RIMS2: variants seen among roughly 807,000 people sequenced by gnomAD.
RIMS2 encodes the protein regulating synaptic membrane exocytosis protein 2.
RIMS2 carries 59 observed loss-of-function variants against 174.4 expected under a neutral mutation model. The observed-to-expected ratio is 0.34, with a 90% CI of 0.27 to 0.42. The LOEUF is 0.42. Ranked by LOEUF, RIMS2 falls within the 10% of genes least tolerant of loss-of-function variation. RIMS2 has a pLI of 1.00. For synonymous variants in RIMS2, 606 were observed against 572.5 expected (o/e 1.06, Z -0.84); for missense variants, 1,620 against 1,666.3 (o/e 0.97, Z 0.48).
intron 3 of RIMS2, among the ~76,000 whole-genome samples, chr8:103,875,234 C>G (rs1355647553): frequency 6.6e-6 from 1 of 151,702 alleles, no homozygotes; most frequent in Non-Finnish European, 1.5e-5. Flanking sequence ...GTATATTGTA[C>G]CCAATAGGTG....
At chr8:103,547,002 T>TG (rs34819443) in intron 1 of RIMS2, among the ~76,000 whole-genome samples, 98,129 of 151,992 alleles carry the variant, frequency 0.65, 32,410 homozygotes, top group African/African-American at 0.7. Flanking sequence ...AAAATTAGGG[T>TG]GTCTTCCCCT....
At chr8:104,037,985 A>G (rs1454884559) in intron 19 of RIMS2, among the ~76,000 whole-genome samples, 1 of 152,128 alleles carries the variant, frequency 6.6e-6, no homozygotes, top group Non-Finnish European at 1.5e-5. Context: ...ATAGAATAAC[A>G]TGCTGTACAG....
chr8:103,795,082 T>A lies in RIMS2; in HGVS notation c.698+28545T>A, dbSNP rs1247703227. ...CCATTTGACCGAGCCATCCCATTAC[T>A]GGGTATATACCCAAAGGATTATAAA... On this transcript the variant is annotated intron_variant, in intron 3 of 23. Transcript: ENST00000504942. Among the ~76,000 whole-genome samples, 3 of 152,222 alleles carry A rather than the reference T, an allele frequency of 2.0e-5. No homozygotes were observed. The South Asian group carries it at 6.2e-4, about 32-fold the overall frequency.
chr8:103,954,623 A>G (rs981321582), intron 14 of RIMS2, among the ~76,000 whole-genome samples: 19 of 152,340 alleles, frequency 1.2e-4, no homozygotes, highest in Admixed American at 3.3e-4. Flanking sequence ...GGAAATTTAT[A>G]GCACTAAATG....
At chr8:103,710,446 T>A (rs2097290238) in intron 2 of RIMS2, among the ~76,000 whole-genome samples, 1 of 152,178 alleles carries the variant, frequency 6.6e-6, no homozygotes. Context: ...ATCGGTTCTC[T>A]TTGTTTCCTT....
intron 19 of RIMS2, 77 bp downstream of exon 23, chr8:104,068,689 G>A: frequency 1.3e-6 from 1 of 755,736 alleles, no homozygotes; most frequent in Non-Finnish European, 2.3e-6. Flanking sequence ...ACTACTAAAT[G>A]CAGATTAGTC....
At position 103,580,684 on chromosome 8, in the gene RIMS2, C is replaced by G. The variant is rs188744565; in HGVS notation, c.176+79622C>G. On this transcript the variant is annotated intron_variant, in intron 1 of 23. Coordinates refer to ENST00000504942, the Ensembl canonical transcript of RIMS2. ...TCAAACCAGTAATGAGTAATGAGAGCAACACTGTGGTAAAACGTTTACCAT... is the reference window on the plus strand; with the variant it reads ...TCAAACCAGTAATGAGTAATGAGAGGAACACTGTGGTAAAACGTTTACCAT... Among the ~76,000 whole-genome samples, 89 of 152,204 alleles carry G rather than the reference C, an allele frequency of 5.8e-4. No homozygotes were observed. In the East Asian group the frequency reaches 0.01, roughly 17 times the overall value.
intron 3 of RIMS2, among the ~76,000 whole-genome samples, chr8:103,785,480 G>A (rs1182549356): frequency 6.6e-6 from 1 of 152,072 alleles, no homozygotes; most frequent in Non-Finnish European, 1.5e-5. Flanking sequence ...TTAGCATGAA[G>A]GGTTGTTGAA....
At chr8:103,517,298 C>G (rs1829461257) in intron 1 of RIMS2, among the ~76,000 whole-genome samples, 1 of 152,136 alleles carries the variant, frequency 6.6e-6, no homozygotes, top group African/African-American at 2.4e-5. Flanking sequence ...GCATTTTAGA[C>G]ATATGCTGTG....
intron 3 of RIMS2, among the ~76,000 whole-genome samples, chr8:103,859,300 A>G (rs1422891972): frequency 6.6e-6 from 1 of 152,196 alleles, no homozygotes; most frequent in Middle Eastern, 3.2e-3. Context: ...TAAGAGAGCA[A>G]TCTGAGTAAT....
At chr8:104,188,220 C>CAGATAGATAT (rs2098978418) in intron 19 of RIMS2, among the ~76,000 whole-genome samples, 1 of 87,060 alleles carries the variant, frequency 1.1e-5, no homozygotes, top group Non-Finnish European at 2.4e-5. Flanking sequence ...ATGGTTTGTT[C>CAGATAGATAT]AGATAGATAG....
chr8:103,621,196 C>T (rs569068543), intron 1 of RIMS2, among the ~76,000 whole-genome samples: 1 of 152,258 alleles, frequency 6.6e-6, no homozygotes, highest in Non-Finnish European at 1.5e-5. Flanking sequence ...CTCAGCAAGG[C>T]CATTGTTACT....
At chr8:104,148,796 T>C in intron 19 of RIMS2, 1 of 1,598,426 alleles carries the variant, frequency 6.3e-7, no homozygotes, top group Non-Finnish European at 8.5e-7. Flanking sequence ...AAATGGTAGC[T>C]ATCGTTGGTC....
chr8:104,006,806 A>G (rs571600804), intron 17 of RIMS2, among the ~76,000 whole-genome samples: 1 of 151,688 alleles, frequency 6.6e-6, no homozygotes, highest in East Asian at 1.9e-4. Context: ...TAATATATAT[A>G]TATATTTGGG....
intron 15 of RIMS2, among the ~76,000 whole-genome samples, chr8:103,965,581 G>A (rs562918032): frequency 4.6e-5 from 7 of 152,032 alleles, no homozygotes; most frequent in South Asian, 2.1e-4. Flanking sequence ...GACAATCATG[G>A]CATCACAAAA....
chr8:103,700,410 C>G (rs569653455), intron 2 of RIMS2, among the ~76,000 whole-genome samples: 31 of 151,740 alleles, frequency 2.0e-4, no homozygotes, highest in Non-Finnish European at 3.7e-4. Flanking sequence ...CTCTCTGTCT[C>G]TCTGTCTCTC....
chr8:104,188,581 G>GT lies in RIMS2; in HGVS notation c.3335-56329dup, dbSNP rs75765424. Among the ~76,000 whole-genome samples, 21 of 151,734 alleles carry GT rather than the reference G, an allele frequency of 1.4e-4. No homozygotes were observed. In the East Asian group the frequency reaches 2.5e-3, roughly 18 times the overall value. ...ATGCCCAATATAAGAGGTATTCAAT[G>GT]TTTTTTGTAGTAGGCATTGTGCAGA... On this transcript the variant is annotated intron_variant, in intron 19 of 23. Coordinates refer to ENST00000504942, the Ensembl canonical transcript of RIMS2.
chr8:104,195,577 C>T (rs138322483), intron 19 of RIMS2, among the ~76,000 whole-genome samples: 287 of 150,038 alleles, frequency 1.9e-3, no homozygotes, highest in African/African-American at 6.6e-3. Flanking sequence ...TGCAATGGCA[C>T]GATCTCGACT....
intron 2 of RIMS2, among the ~76,000 whole-genome samples, chr8:103,708,709 A>C (rs963281918): frequency 8.5e-5 from 13 of 152,104 alleles, no homozygotes; most frequent in Non-Finnish European, 5.9e-5. Context: ...TTTTCTGTGC[A>C]TAATGTAGCA....
Sources: gnomAD v4.1 joint callset for allele counts (sites outside exome capture counted in the v4.1 genomes callset) on GRCh38, gnomAD v4.1.1 for gene constraint, MANE v1.5 for transcripts, NCBI Gene and HGNC (gene_info 2026-07-23, HGNC 2026-07-21) for gene names.